TSHZ3: variants seen among roughly 807,000 people sequenced by gnomAD.
The protein encoded by TSHZ3 is teashirt zinc finger homeobox 3.
In TSHZ3, 10 loss-of-function variants were observed where a neutral mutation model predicts 64.5. The observed-to-expected ratio is 0.16, with a 90% CI of 0.10 to 0.26. The LOEUF (loss-of-function observed/expected upper bound fraction) is 0.26, where lower values mean the gene tolerates loss of function less well. TSHZ3 is among the 10% of genes least tolerant of loss of function. The pLI is 1.00. For missense variants in TSHZ3, 1,242 were observed against 1,421.7 expected (o/e 0.87, Z 2.03); for synonymous variants, 608 against 593.1 (o/e 1.03, Z -0.36).
At chr19:31,261,944 G>T (rs1387303511) in intron 1 of TSHZ3, among the ~76,000 whole-genome samples, 2 of 152,124 alleles carry the variant, frequency 1.3e-5, no homozygotes, top group Non-Finnish European at 2.9e-5. Flanking sequence ...TTCTCCTATG[G>T]TGGCAAACTT....
Position 31,277,078 on chromosome 19 carries a change from G to A in TSHZ3, c.2715C>T (p.Ile905=). 3 of 1,607,716 alleles carry A rather than the reference G, an allele frequency of 1.9e-6. No individual in the cohort carries two copies. The South Asian group carries it at 3.3e-5, about 18-fold the overall frequency. The change falls in exon 2 of 2, where the codon ATC becomes ATT. Residue 905 remains isoleucine, a synonymous_variant. Transcript: ENST00000240587. The surrounding 1 kb of genome is among the most constrained non-coding windows in gnomAD (Gnocchi z 4.5). ...QSNWNPQHLL[I]LQAQFAASLR... is the part of the protein sequence containing the mutation. ...GGCTGGCGGCAAACTGGGCCTGGAG[G>A]ATCAGGAGGTGCTGGGGGTTCCAGT...
chr19:31,325,681 T>A (rs932913820), intron 1 of TSHZ3, among the ~76,000 whole-genome samples: 3 of 152,166 alleles, frequency 2.0e-5, no homozygotes, highest in African/African-American at 7.2e-5. Flanking sequence ...TAGGACTGCA[T>A]CCCACAAGGA....
chr19:31,232,929 G>A (rs944465456), intron 3 of TSHZ3, among the ~76,000 whole-genome samples: 7 of 152,128 alleles, frequency 4.6e-5, no homozygotes, highest in African/African-American at 9.7e-5. Context: ...GTAGTATTCC[G>A]TGGTCTAAAT....
At chr19:31,260,789 T>G (rs912436478) in intron 1 of TSHZ3, among the ~76,000 whole-genome samples, 1 of 152,150 alleles carries the variant, frequency 6.6e-6, no homozygotes, top group East Asian at 1.9e-4. Context: ...CTCCTCTTCC[T>G]GAAACCCAAG....
At chr19:31,162,651 C>T (rs1974386655) in intron 5 of TSHZ3, among the ~76,000 whole-genome samples, 1 of 152,044 alleles carries the variant, frequency 6.6e-6, no homozygotes, top group South Asian at 2.1e-4. Flanking sequence ...AACTCAGCTC[C>T]CTATGCAGGT....
At chr19:31,310,981 TGGAA>T (rs1441029726) in intron 1 of TSHZ3, among the ~76,000 whole-genome samples, 1 of 152,156 alleles carries the variant, frequency 6.6e-6, no homozygotes, top group Non-Finnish European at 1.5e-5. Flanking sequence ...CCCTTGCAGC[TGGAA>T]GGATCATGCA....
Position 31,349,348 on chromosome 19 carries a change from C to T in TSHZ3, c.-129G>A. The T allele has an allele frequency of 1.2e-6, 1 of 843,068 alleles. No individual in the cohort carries two copies. The allele number at this position is 843,068 out of a possible 1,614,324, so 52.2% of individuals were successfully genotyped here. ...TCTCAGCCTCCCCCCCGGAGAGCGG[C>T]CGCCCGCAGGATGCTGCTGCGCCCA... is the stretch of plus-strand genomic sequence containing the variant. On this transcript the variant is annotated 5_prime_UTR_variant, in exon 1 of 2. Transcript: ENST00000240587.
chr19:31,195,628 G>A (rs966888044), intron 5 of TSHZ3: 2 of 151,962 alleles, frequency 1.3e-5, no homozygotes, highest in Non-Finnish European at 2.9e-5. Flanking sequence ...GTGCTTTAGA[G>A]AGCAGGGAAA....
chr19:31,156,228 A>G (rs1474795181), intron 6 of TSHZ3, among the ~76,000 whole-genome samples: 1 of 152,234 alleles, frequency 6.6e-6, no homozygotes, highest in African/African-American at 2.4e-5. Flanking sequence ...ATGTATTATG[A>G]GTACCTGGAA....
chr19:31,258,763 G>C, intron 1 of TSHZ3, among the ~76,000 whole-genome samples: 1 of 152,170 alleles, frequency 6.6e-6, no homozygotes, highest in South Asian at 2.1e-4. Context: ...GTAGTCTCCC[G>C]GGGAGAAATG....
intron 4 of TSHZ3, among the ~76,000 whole-genome samples, chr19:31,210,919 G>A (rs569296334): frequency 1.1e-4 from 16 of 152,180 alleles, no homozygotes; most frequent in South Asian, 4.1e-4. Flanking sequence ...CCAAACTGGC[G>A]GCAGATTTTA....
At chr19:31,350,549 G>GGCC (rs1454328404), upstream of TSHZ3, among the ~76,000 whole-genome samples, 1 of 151,492 alleles carries the variant, frequency 6.6e-6, no homozygotes, top group African/African-American at 2.4e-5. Context: ...GAGCCTAGGG[G>GGCC]GCCGCCGCGC....
intron 1 of TSHZ3, among the ~76,000 whole-genome samples, chr19:31,339,535 T>A (rs1917362937): frequency 6.6e-6 from 1 of 151,978 alleles, no homozygotes; most frequent in South Asian, 2.1e-4. Flanking sequence ...TGGGCTTCCC[T>A]CCCCTCCCCG....
At chr19:31,213,389 A>AAAAAAAAAAC (rs1432035434) in intron 4 of TSHZ3, among the ~76,000 whole-genome samples, 3 of 147,186 alleles carry the variant, frequency 2.0e-5, no homozygotes, top group Non-Finnish European at 3.0e-5. Flanking sequence ...AAAAAAAAAA[A>AAAAAAAAAAC]AATCAGTGGT....
chr19:31,168,637 C>T (rs774951397), intron 5 of TSHZ3, among the ~76,000 whole-genome samples: 4 of 152,180 alleles, frequency 2.6e-5, no homozygotes, highest in Non-Finnish European at 4.4e-5. Flanking sequence ...GCAAGCTCAA[C>T]GTCTTTTGGC....
Position 31,168,525 on chromosome 19 carries a change from C to T in TSHZ3, n.810-12108G>A, listed in dbSNP as rs545654305. ...GCTAGAAATTGGAGAGAGCAAAGCG[C>T]CTGAATTCCACTTGGAAAATGGCAA... On this transcript the variant is annotated intron_variant and non_coding_transcript_variant, in intron 5 of 6. Transcript: ENST00000651361. 4.9e-4 allele frequency among the ~76,000 whole-genome samples: 75 copies of T among 152,302 alleles called. 2 individuals carry two copies. Among genetic ancestry groups the T allele is most frequent in the African/African-American group, 1.8e-3 (73 of 41,566 alleles).
chr19:31,153,678 G>A (rs550241186), intron 6 of TSHZ3, among the ~76,000 whole-genome samples: 2 of 152,146 alleles, frequency 1.3e-5, no homozygotes. Flanking sequence ...TGTCCTTCTT[G>A]TTTGCTATGG....
chr19:31,305,961 TA>T (rs969192528), intron 1 of TSHZ3, among the ~76,000 whole-genome samples: 7 of 151,932 alleles, frequency 4.6e-5, no homozygotes, highest in East Asian at 1.9e-4. Context: ...CAAGAGAAAT[TA>T]AAAAAAAATT....
At chr19:31,250,367 C>T (rs1053171070) in intron 1 of TSHZ3, among the ~76,000 whole-genome samples, 1 of 152,172 alleles carries the variant, frequency 6.6e-6, no homozygotes, top group Non-Finnish European at 1.5e-5. Flanking sequence ...CTAATCCTCA[C>T]CCGCTCATTC....
Sources: allele counts gnomAD v4.1 joint callset (sites outside exome capture counted in the v4.1 genomes callset), GRCh38; gene constraint gnomAD v4.1.1; non-coding constraint Gnocchi (gnomAD v3.1); transcripts MANE v1.5; gene names NCBI Gene and HGNC (gene_info 2026-07-23, HGNC 2026-07-21).